Variants in OCRL observed in about 807,000 individuals in gnomAD.
OCRL encodes the protein inositol polyphosphate 5-phosphatase OCRL.
OCRL carries 8 observed loss-of-function variants against 78.9 expected under a neutral mutation model. The ratio of observed to expected loss-of-function variants is 0.10; its 90% CI spans 0.06 to 0.18. The LOEUF (loss-of-function observed/expected upper bound fraction) is 0.18. Among genes scored for constraint, OCRL ranks in the 10% least tolerant of loss-of-function variants. The pLI, the probability that OCRL is intolerant of heterozygous loss-of-function variation, is 1.00. For missense variants in OCRL, 454 were observed against 696.7 expected (o/e 0.65, Z 3.92); for synonymous variants, 240 against 235.4 (o/e 1.02, Z -0.18).
rs1304488241 is a variant in OCRL, at chrX:129,556,266, T to G, written c.239-1059T>G. Among the ~76,000 whole-genome samples the G allele has an allele frequency of 2.7e-5, 3 of 111,874 alleles. No individual in the cohort carries two copies. The South Asian group carries it at 1.1e-3, about 41-fold the overall frequency. On this transcript the variant is annotated intron_variant, in intron 4 of 23. Transcript: ENST00000371113. ...TCAGTCATTAAATACCTTCTGTCTG[T>G]GAAGTCTGATGTTACTGTCACCAGT...
At chrX:129,575,378 C>T (rs1263428086) in intron 16 of OCRL, 128 bp downstream of exon 16, 2 of 463,153 alleles carry the variant, frequency 4.3e-6, no homozygotes, top group Non-Finnish European at 7.6e-6. Context: ...TGCCTCCATT[C>T]CAGTTGTAGC....
At chrX:129,540,655 G>GA (rs1556337118) in intron 1 of OCRL, 89 bp from the exon 2 acceptor site, 2 of 565,601 alleles carry the variant, frequency 3.5e-6, no homozygotes, top group African/African-American at 5.1e-5. Context: ...GGGCGGCGGT[G>GA]GGGGGGGGGT....
intron 19 of OCRL, among the ~76,000 whole-genome samples, chrX:129,585,350 C>CT (rs1035732664): frequency 1.8e-5 from 2 of 112,325 alleles, no homozygotes; most frequent in Non-Finnish European, 3.8e-5. Context: ...CATGTTCTGT[C>CT]TTTTTATCTT....
intron 8 of OCRL, among the ~76,000 whole-genome samples, chrX:129,559,312 C>T (rs763884322): frequency 3.4e-4 from 38 of 111,509 alleles, no homozygotes; most frequent in African/African-American, 1.1e-3. Flanking sequence ...AATCCTCCCA[C>T]GCCAGCCCTG....
intron 15 of OCRL, among the ~76,000 whole-genome samples, chrX:129,569,919 C>T (rs1310187942): frequency 1.9e-5 from 2 of 102,925 alleles, no homozygotes; most frequent in African/African-American, 7.1e-5. Flanking sequence ...TCTTGGCTCA[C>T]TGCAACCTCC....
Position 129,540,777 on chromosome X carries a change from C to T in OCRL, c.73C>T (p.Arg25Trp). Residue 25 changes from arginine to tryptophan, a missense_variant, in exon 2 of 24, where the codon CGG becomes TGG. Coordinates refer to ENST00000371113, the MANE Select transcript of OCRL (RefSeq NM_000276.4). ...VEGMEMKGPL[R>W]EPCALTLAQR... Reference sequence around the variant, plus strand: ...GGGTATGGAGATGAAGGGTCCTCTCCGGGAGCCCTGCGCCCTGACCCTAGC... The same window carrying T: ...GGGTATGGAGATGAAGGGTCCTCTCTGGGAGCCCTGCGCCCTGACCCTAGC... The T allele has an allele frequency of 1.7e-6, 2 of 1,210,599 alleles. No homozygotes were observed. The highest frequency in any genetic ancestry group is 3.5e-5 in the South Asian group (2 of 56,950).
intron 18 of OCRL, among the ~76,000 whole-genome samples, chrX:129,583,090 G>C (rs966364971): frequency 1.5e-4 from 17 of 111,734 alleles, no homozygotes; most frequent in Non-Finnish European, 2.8e-4. Flanking sequence ...ATTGGTTTTA[G>C]GCTGCTTCAA....
At chrX:129,540,654 T>TGGGG (rs369736288) in intron 1 of OCRL, 90 bp from the exon 2 acceptor site, 9 of 458,750 alleles carry the variant, frequency 2.0e-5, no homozygotes, top group South Asian at 9.1e-5. Context: ...AGGGCGGCGG[T>TGGGG]GGGGGGGGGG....
Position 129,558,860 on chromosome X carries a change from C to A in OCRL, c.581C>A (p.Ala194Asp). The A allele has an allele frequency of 8.3e-7, 1 of 1,212,028 alleles. No homozygotes were observed. The highest frequency in any genetic ancestry group is 2.2e-5 in the Admixed American group (1 of 46,089). ...GCTAGGCTTCCACGTGAAAAAGAAG[C>A]TTCTAACAAGGAGCAGCCCAAAGTG... ...VNKMLPREKEASNKEQPKVTN... is the reference protein window; with the variant it reads ...VNKMLPREKEDSNKEQPKVTN... Residue 194 changes from alanine to aspartate, a missense_variant, in exon 8 of 24, where the codon GCT (alanine) becomes GAT (aspartate). This residue lies in a region of OCRL where 177 missense variants were observed against 179.6 expected (regional missense o/e 0.99). Coordinates refer to ENST00000371113, the MANE Select transcript of OCRL (RefSeq NM_000276.4).
Position 129,559,062 on chromosome X carries a change from G to A in OCRL, c.722+61G>A, listed in dbSNP as rs191932436. ...TAGTATATATAACAGACAGTGGCCT[G>A]TTGATATTTAAGACATTAGCCTAAT... On this transcript the variant is annotated intron_variant, in intron 8 of 23. Coordinates refer to ENST00000371113, the MANE Select transcript of OCRL (RefSeq NM_000276.4). 60 of 1,031,480 alleles carry A rather than the reference G, an allele frequency of 5.8e-5. No homozygotes were observed. The African/African-American group carries it at 1.1e-3, about 18-fold the overall frequency. 85.0% of individuals were successfully genotyped at this position (1,031,480 alleles called of 1,213,427 possible). A position where few individuals can be genotyped will look rare whatever the true frequency, so the allele number is the denominator to read the frequency against.
At chrX:129,582,337 C>A (rs1263177744) in intron 18 of OCRL, among the ~76,000 whole-genome samples, 1 of 112,339 alleles carries the variant, frequency 8.9e-6, no homozygotes, top group African/African-American at 3.2e-5. Context: ...AAATCAGAGT[C>A]AGGGACAAAC....
chrX:129,571,106 A>AC (rs1936293210), intron 15 of OCRL, among the ~76,000 whole-genome samples: 2 of 112,014 alleles, frequency 1.8e-5, no homozygotes, highest in African/African-American at 6.5e-5. Context: ...TCTTTCTACT[A>AC]CCCCACAATA....
At chrX:129,574,782 T>C (rs1936347056) in intron 15 of OCRL, among the ~76,000 whole-genome samples, 1 of 112,567 alleles carries the variant, frequency 8.9e-6, no homozygotes, top group South Asian at 3.6e-4. Context: ...ATTACCAAGC[T>C]TCTTAACGTA....
At chrX:129,575,016 G>A (rs187282937) in intron 15 of OCRL, 124 bp from the exon 16 acceptor site, 216 of 523,459 alleles carry the variant, frequency 4.1e-4, no homozygotes, top group Middle Eastern at 3.7e-3. Flanking sequence ...GTTTGAGGAT[G>A]TTGTTTGCAC....
Position 129,590,319 on chromosome X carries a change from A to G in OCRL, c.*49A>G. The stretch of plus-strand genomic sequence containing the variant: ...CTAGAAGCAGACGATCTCGGGCTCC[A>G]AGTATTTCAGAATGATTTAAAAAGT... On this transcript the variant is annotated 3_prime_UTR_variant, in exon 24 of 24. Transcript: ENST00000371113. 8.4e-7 allele frequency: 1 copy of G among 1,197,031 alleles called. No homozygotes were observed. Among genetic ancestry groups the G allele is most frequent in the Non-Finnish European group, 1.1e-6 (1 of 883,757 alleles).
Position 129,554,985 on chromosome X carries a change from AAATAAATAAATAAAT to A in OCRL, c.239-2337_239-2323del, listed in dbSNP as rs1247393426. On this transcript the variant is annotated intron_variant, in intron 4 of 23. Transcript: ENST00000371113. Reference sequence around the variant, plus strand: ...TAAATAAATAAATAAATAAATAAATAAATAAATAAATAAATAAAAATAAGAGGGTTGTAGGAGAAG... The same window carrying A: ...TAAATAAATAAATAAATAAATAAATAAAAAATAAGAGGGTTGTAGGAGAAG... 5.0e-3 allele frequency among the ~76,000 whole-genome samples: 532 copies of A among 106,276 alleles called. 1 individual carries two copies. The highest frequency in any genetic ancestry group is 0.015 in the Middle Eastern group (3 of 206). The allele number at this position is 106,276 out of a possible 115,157, so 92.3% of individuals were successfully genotyped here.
chrX:129,562,302 T>C (rs888433542), intron 10 of OCRL, 82 bp from the exon 11 acceptor site: 1 of 751,505 alleles, frequency 1.3e-6, no homozygotes, highest in Non-Finnish European at 2.1e-6. Context: ...ATCATCTTGA[T>C]GGAAAATTAG....
intron 23 of OCRL, 25 bp from the exon 24 acceptor site, chrX:129,590,121 C>T (rs373174417): frequency 1.6e-4 from 196 of 1,209,607 alleles, no homozygotes; most frequent in Non-Finnish European, 2.1e-4. Flanking sequence ...CAGAAGTTTC[C>T]GCTTGTCTTT....
At chrX:129,540,913 T>A in intron 2 of OCRL, 90 bp downstream of exon 2, 1 of 743,913 alleles carries the variant, frequency 1.3e-6, no homozygotes, top group Non-Finnish European at 2.1e-6. Flanking sequence ...GTCCTCCTAC[T>A]GAAGCCACGC....
Sources: gnomAD v4.1 joint callset for allele counts (sites outside exome capture counted in the v4.1 genomes callset) on GRCh38, gnomAD v4.1.1 for gene constraint, gnomAD v4.1.1 regional missense constraint, MANE v1.5 for transcripts, NCBI Gene and HGNC (gene_info 2026-07-23, HGNC 2026-07-21) for gene names.